Variants in PTPRD observed in about 807,000 individuals in gnomAD.
The protein encoded by PTPRD is protein tyrosine phosphatase receptor type D, also known as receptor-type tyrosine-protein phosphatase delta.
A neutral mutation model predicts 214.5 loss-of-function variants in PTPRD; 34 were observed. The ratio of observed to expected loss-of-function variants is 0.16; its 90% CI spans 0.12 to 0.21. The LOEUF (loss-of-function observed/expected upper bound fraction) is 0.21. PTPRD is among the 10% of genes least tolerant of loss of function. PTPRD has a pLI of 1.00. For missense variants in PTPRD, 2,545 were observed against 2,398.7 expected, an observed-to-expected ratio of 1.06 and a Z score of -1.27; for synonymous variants, 1,128 against 845.7, an observed-to-expected ratio of 1.33 and a Z score of -5.79.
chr9:8,539,731 T>C (rs1381860395), intron 14 of PTPRD, among the ~76,000 whole-genome samples: 1 of 152,054 alleles, frequency 6.6e-6, no homozygotes, highest in Non-Finnish European at 1.5e-5. Context: ...CAAGAACATT[T>C]TGTTAAATAA....
In PTPRD at chr9:9,738,439, C is replaced by CTTTTTTTTTTTTTT. The variant is rs71319292; in HGVS notation, c.-325-3882_-325-3869dup. Among the ~76,000 whole-genome samples the CTTTTTTTTTTTTTT allele has an allele frequency of 5.6e-4, 43 of 76,514 alleles. 5 individuals are homozygous for CTTTTTTTTTTTTTT. The highest frequency in any genetic ancestry group is 1.3e-3 in the African/African-American group (21 of 15,722). The allele number at this position is 76,514 out of a possible 152,430, so 50.2% of individuals were successfully genotyped here. A position where few individuals can be genotyped will look rare whatever the true frequency, so the allele number is the denominator to read the frequency against. On this transcript the variant is annotated intron_variant, in intron 6 of 45. Coordinates refer to ENST00000381196, the MANE Select transcript of PTPRD (RefSeq NM_002839.4). ...TGTATTAAAATTCTTCACTCACTCA[C>CTTTTTTTTTTTTTT]TTTTTTTTTTTTTTTTTTTTTTGAG... is the stretch of plus-strand genomic sequence containing the variant.
intron 10 of PTPRD, among the ~76,000 whole-genome samples, chr9:9,077,295 T>C (rs1476782408): frequency 1.3e-5 from 2 of 151,942 alleles, no homozygotes; most frequent in Non-Finnish European, 2.9e-5. Flanking sequence ...GTTTCAAAGA[T>C]GGTTTTATTA....
chr9:9,682,130 G>A (rs1247626636), intron 7 of PTPRD, among the ~76,000 whole-genome samples: 1 of 151,652 alleles, frequency 6.6e-6, no homozygotes, highest in Non-Finnish European at 1.5e-5. Context: ...CACAAACCTG[G>A]CACTAATCTT....
At chr9:10,483,320 C>A (rs1442797336) in intron 2 of PTPRD, among the ~76,000 whole-genome samples, 5 of 151,974 alleles carry the variant, frequency 3.3e-5, no homozygotes, top group African/African-American at 9.7e-5. Context: ...ACCCCTAACA[C>A]CATAAATTCT....
intron 3 of PTPRD, among the ~76,000 whole-genome samples, chr9:10,206,270 G>T (rs557289890): frequency 2.0e-5 from 3 of 152,118 alleles, no homozygotes; most frequent in Non-Finnish European, 4.4e-5. Flanking sequence ...GTAGTAAAGG[G>T]TGCTGTGGAT....
chr9:9,026,114 G>GGA (rs1479410299), intron 10 of PTPRD, among the ~76,000 whole-genome samples: 3 of 120,342 alleles, frequency 2.5e-5, no homozygotes, highest in African/African-American at 9.2e-5. Context: ...ATGCTACAGA[G>GGA]GATAGTCAGG....
chr9:8,526,434 C>G (rs1258287231), intron 17 of PTPRD, among the ~76,000 whole-genome samples, 193 bp downstream of exon 17: 1 of 148,032 alleles, frequency 6.8e-6, no homozygotes, highest in Non-Finnish European at 1.5e-5. Context: ...ATGAACAAAA[C>G]AAAGAGAGAA....
intron 11 of PTPRD, among the ~76,000 whole-genome samples, chr9:8,821,183 G>C (rs1251786874): frequency 6.6e-6 from 1 of 152,106 alleles, no homozygotes; most frequent in Non-Finnish European, 1.5e-5. Context: ...GTGAGAAAAA[G>C]GAAACAATGG....
At chr9:10,514,278 T>C (rs1247701120) in intron 2 of PTPRD, among the ~76,000 whole-genome samples, 3 of 150,822 alleles carry the variant, frequency 2.0e-5, no homozygotes, top group Non-Finnish European at 4.4e-5. Flanking sequence ...CTTTTATGTA[T>C]TTTTTTTTAT....
At chr9:10,189,658 T>C (rs1048629727) in intron 3 of PTPRD, among the ~76,000 whole-genome samples, 5 of 151,816 alleles carry the variant, frequency 3.3e-5, no homozygotes, top group African/African-American at 1.2e-4. Flanking sequence ...CAGAAAGCAG[T>C]AATGAAGAAA....
chr9:9,541,992 A>G (rs1243788136), intron 8 of PTPRD, among the ~76,000 whole-genome samples: 2 of 151,810 alleles, frequency 1.3e-5, no homozygotes, highest in Non-Finnish European at 2.9e-5. Context: ...AATATTCAAG[A>G]TAAGAGGAGA....
At chr9:9,482,283 G>A (rs1234630639) in intron 8 of PTPRD, among the ~76,000 whole-genome samples, 1 of 152,170 alleles carries the variant, frequency 6.6e-6, no homozygotes. Context: ...TCAGTGAAAT[G>A]ACTTAAAGTA....
At chr9:9,620,803 A>G (rs146800417) in intron 7 of PTPRD, among the ~76,000 whole-genome samples, 95 of 152,212 alleles carry the variant, frequency 6.2e-4, no homozygotes, top group African/African-American at 2.2e-3. Flanking sequence ...CGTCAGCTAC[A>G]TCAGCAGTTA....
chr9:10,069,210 G>A (rs2097944329), intron 3 of PTPRD, among the ~76,000 whole-genome samples: 1 of 151,950 alleles, frequency 6.6e-6, no homozygotes, highest in South Asian at 2.1e-4. Flanking sequence ...CTTCTGAATA[G>A]ACACAGGCTG....
chr9:9,552,783 A>G (rs142275316), intron 8 of PTPRD, among the ~76,000 whole-genome samples: 2,511 of 152,212 alleles, frequency 0.016, 40 homozygotes, highest in Admixed American at 0.026. Context: ...TCAAAGATGA[A>G]TGCTTCATTC....
intron 4 of PTPRD, among the ~76,000 whole-genome samples, chr9:10,015,212 G>C (rs1231329112): frequency 6.6e-6 from 1 of 152,048 alleles, no homozygotes; most frequent in African/African-American, 2.4e-5. Flanking sequence ...CCTTTTCAGA[G>C]TTACCAGCTT....
At chr9:9,431,497 A>G (rs201537677) in intron 8 of PTPRD, among the ~76,000 whole-genome samples, 1 of 151,762 alleles carries the variant, frequency 6.6e-6, no homozygotes, top group South Asian at 2.1e-4. Flanking sequence ...ACAGTGTGGC[A>G]ATTCCTCGAG....
At chr9:9,853,157 G>A (rs1283858101) in intron 5 of PTPRD, among the ~76,000 whole-genome samples, 1 of 152,164 alleles carries the variant, frequency 6.6e-6, no homozygotes, top group Non-Finnish European at 1.5e-5. Flanking sequence ...CTGTAAAGGG[G>A]CAGATAGTAA....
At chr9:9,601,950 A>G (rs1592715170) in intron 7 of PTPRD, among the ~76,000 whole-genome samples, 1 of 152,120 alleles carries the variant, frequency 6.6e-6, no homozygotes, top group Non-Finnish European at 1.5e-5. Context: ...TGTGAATTCT[A>G]TATTTTCTAC....
Sources: gnomAD v4.1 joint callset for allele counts (sites outside exome capture counted in the v4.1 genomes callset) on GRCh38, gnomAD v4.1.1 for gene constraint, MANE v1.5 for transcripts, NCBI Gene and HGNC (gene_info 2026-07-23, HGNC 2026-07-21) for gene names.